Variants in LRBA observed in about 807,000 individuals in gnomAD.
LRBA encodes lipopolysaccharide-responsive and beige-like anchor protein.
LRBA carries 176 observed loss-of-function variants against 330.0 expected under a neutral mutation model. The ratio of observed to expected loss-of-function variants is 0.53; its 90% CI spans 0.47 to 0.60. The LOEUF is 0.60. LRBA is among the 20% of genes least tolerant of loss of function. LRBA has a pLI of 0.00. For synonymous variants in LRBA, 1,230 were observed against 1,193.0 expected, an observed-to-expected ratio of 1.03 and a Z score of -0.64; for missense variants, 3,259 against 3,444.8, an observed-to-expected ratio of 0.95 and a Z score of 1.35.
chr4:150,773,306 G>A (rs1736827915), intron 34 of LRBA, among the ~76,000 whole-genome samples: 1 of 152,238 alleles, frequency 6.6e-6, no homozygotes, highest in Non-Finnish European at 1.5e-5. Context: ...GCAGTTAAGG[G>A]ACACTGCTAG....
intron 28 of LRBA, among the ~76,000 whole-genome samples, chr4:150,839,224 A>T (rs895566083): frequency 2.0e-5 from 3 of 152,228 alleles, no homozygotes; most frequent in African/African-American, 7.2e-5. Context: ...CGATCATTAA[A>T]AAGTCAGGAA....
chr4:150,405,944 A>T (rs1385591151), intron 47 of LRBA, among the ~76,000 whole-genome samples: 1 of 152,078 alleles, frequency 6.6e-6, no homozygotes, highest in African/African-American at 2.4e-5. Context: ...ACTCCCAGCT[A>T]CTCAGGAGGC....
At chr4:151,008,540 A>G (rs1005266477) in intron 2 of LRBA, among the ~76,000 whole-genome samples, 1 of 152,050 alleles carries the variant, frequency 6.6e-6, no homozygotes, top group Admixed American at 6.6e-5. Context: ...AGCCCTTAGT[A>G]TGCAACAGTT....
intron 42 of LRBA, among the ~76,000 whole-genome samples, chr4:150,481,359 G>C (rs1757276551): frequency 2.0e-5 from 3 of 152,102 alleles, no homozygotes; most frequent in Admixed American, 2.0e-4. Context: ...ATGCCCAGTA[G>C]TGGGAACTCT....
chr4:150,430,280 T>C (rs1031928182), intron 46 of LRBA, among the ~76,000 whole-genome samples: 2 of 152,284 alleles, frequency 1.3e-5, no homozygotes, highest in African/African-American at 2.4e-5. Flanking sequence ...ACAAGGGCAA[T>C]ACATATGTCA....
At chr4:150,774,219 T>A (rs1025603142) in intron 34 of LRBA, among the ~76,000 whole-genome samples, 2 of 152,164 alleles carry the variant, frequency 1.3e-5, no homozygotes, top group Non-Finnish European at 2.9e-5. Flanking sequence ...TCTTCCACTA[T>A]CAGTTCTGAC....
At chr4:150,525,277 C>T (rs1489679236) in intron 40 of LRBA, among the ~76,000 whole-genome samples, 3 of 148,176 alleles carry the variant, frequency 2.0e-5, no homozygotes, top group South Asian at 2.1e-4. Context: ...CATGCTCTGG[C>T]TTTTTTTTTT....
intron 36 of LRBA, among the ~76,000 whole-genome samples, chr4:150,726,576 G>C (rs1256608602): frequency 1.3e-5 from 2 of 152,154 alleles, no homozygotes; most frequent in Non-Finnish European, 2.9e-5. Flanking sequence ...GAGGCCTCAG[G>C]AAACTTACAA....
chr4:150,593,147 C>G (rs1363645411), intron 38 of LRBA, among the ~76,000 whole-genome samples: 1 of 151,974 alleles, frequency 6.6e-6, no homozygotes, highest in Non-Finnish European at 1.5e-5. Context: ...GCAAATGAAG[C>G]ACCATCTTCT....
intron 11 of LRBA, 74 bp from the exon 12 acceptor site, chr4:150,906,479 C>A: frequency 1.3e-6 from 1 of 764,802 alleles, no homozygotes; most frequent in Non-Finnish European, 2.2e-6. Context: ...ATAGATGTAA[C>A]CCTTCCATTC....
chr4:150,776,579 C>G (rs1234325820), intron 34 of LRBA, among the ~76,000 whole-genome samples: 1 of 152,050 alleles, frequency 6.6e-6, no homozygotes, highest in African/African-American at 2.4e-5. Context: ...TTTAGGAGAC[C>G]AAGGCCAGTG....
At chr4:150,294,529 T>C (rs1167491470) in intron 53 of LRBA, among the ~76,000 whole-genome samples, 1 of 152,166 alleles carries the variant, frequency 6.6e-6, no homozygotes, top group African/African-American at 2.4e-5. Flanking sequence ...TCTCCATGCC[T>C]CATCTATAAG....
chr4:150,954,817 C>CAAAAAA (rs34282784), intron 2 of LRBA, among the ~76,000 whole-genome samples: 227 of 45,446 alleles, frequency 5.0e-3, no homozygotes, highest in Non-Finnish European at 5.6e-3. Context: ...ACTCAGAAAT[C>CAAAAAA]AAAAAAAAAA....
chr4:150,431,393 T>A (rs1750354685), intron 46 of LRBA, among the ~76,000 whole-genome samples: 2 of 152,194 alleles, frequency 1.3e-5, no homozygotes, highest in Admixed American at 6.5e-5. Context: ...AAGCCCAAAC[T>A]ATCCCTTGAT....
At chr4:150,760,108 T>G (rs1734870464) in intron 35 of LRBA, among the ~76,000 whole-genome samples, 1 of 152,200 alleles carries the variant, frequency 6.6e-6, no homozygotes, top group Admixed American at 6.5e-5. Flanking sequence ...ATTTGTGTAT[T>G]TAATCGACAG....
In LRBA at chr4:150,828,497, A is replaced by G. The variant is rs756216304; in HGVS notation, c.4854T>C (p.His1618=). 3 of 1,614,020 alleles carry G rather than the reference A, an allele frequency of 1.9e-6. No homozygotes were observed. The highest frequency in any genetic ancestry group is 1.7e-5 in the Admixed American group (1 of 60,006). Residue 1618 remains histidine, a synonymous_variant, in exon 30 of 57, where the codon CAT becomes CAC. Coordinates refer to ENST00000651943, the MANE Select transcript of LRBA (RefSeq NM_001364905.1). Reference sequence around the variant, plus strand: ...GTGCTGTGTGAGGAGTTACTTCCACATGGCTTCCTAAACCAGTGGCTGTTT... The same window carrying G: ...GTGCTGTGTGAGGAGTTACTTCCACGTGGCTTCCTAAACCAGTGGCTGTTT... ...GEETATGLGS[H]VEVTPHTAPP...
chr4:150,417,890 C>T (rs1307959623), intron 46 of LRBA, among the ~76,000 whole-genome samples: 2 of 152,144 alleles, frequency 1.3e-5, no homozygotes, highest in East Asian at 3.9e-4. Context: ...TATATAGTGT[C>T]AAAATATTAT....
intron 22 of LRBA, among the ~76,000 whole-genome samples, chr4:150,854,514 A>G (rs1579004938): frequency 6.6e-6 from 1 of 152,330 alleles, no homozygotes. Flanking sequence ...TGGAGCTTAT[A>G]TTCTAAAGAA....
At chr4:150,670,040 A>G (rs1781915647) in intron 37 of LRBA, among the ~76,000 whole-genome samples, 1 of 152,172 alleles carries the variant, frequency 6.6e-6, no homozygotes, top group East Asian at 1.9e-4. Context: ...GTTTCTACAT[A>G]TTAACTATGA....
Sources: allele counts gnomAD v4.1 joint callset (sites outside exome capture counted in the v4.1 genomes callset), GRCh38; gene constraint gnomAD v4.1.1; transcripts MANE v1.5; gene names NCBI Gene and HGNC (gene_info 2026-07-23, HGNC 2026-07-21).